MAP4: variants seen among roughly 807,000 people sequenced by gnomAD.
MAP4 encodes microtubule associated protein 4, also known as microtubule-associated protein 4.
Under a neutral mutation model 170.2 loss-of-function variants are expected in MAP4, and 76 were observed. That is an observed-to-expected ratio of 0.45 (90% CI 0.37 to 0.54). MAP4 has a LOEUF of 0.54. Among genes scored for constraint, MAP4 ranks in the 20% least tolerant of loss-of-function variants. MAP4 has a pLI of 0.00. For missense variants in MAP4, 2,506 were observed against 2,748.0 expected, an observed-to-expected ratio of 0.91 and a Z score of 1.97; for synonymous variants, 909 against 994.5, an observed-to-expected ratio of 0.91 and a Z score of 1.62.
chr3:47,973,763 T>C (rs1019483993), intron 3 of MAP4: 2 of 985,294 alleles, frequency 2.0e-6, no homozygotes, highest in Non-Finnish European at 1.2e-6. Flanking sequence ...AAATAACTAC[T>C]ACCAGTTTTG....
Position 48,000,727 on chromosome 3 carries a change from C to A in MAP4, c.-19-1848G>T, listed in dbSNP as rs115598623. 8.4e-3 allele frequency among the ~76,000 whole-genome samples: 1,279 copies of A among 152,280 alleles called. 11 individuals are homozygous for A. The highest frequency in any genetic ancestry group is 0.013 in the Non-Finnish European group (861 of 68,024). On this transcript the variant is annotated intron_variant, in intron 1 of 20. Coordinates refer to ENST00000683076, the MANE Select transcript of MAP4 (RefSeq NM_001385682.1). ...TTTCTGTTGTTTACAATGGAAGAAT[C>A]TCAACTAATACACAGTCTTTCTCCA...
At chr3:47,927,046 C>T (rs2100046401) in intron 4 of MAP4, among the ~76,000 whole-genome samples, 1 of 151,144 alleles carries the variant, frequency 6.6e-6, no homozygotes, top group Admixed American at 6.6e-5. Flanking sequence ...GTAATTCCAG[C>T]TATATGGGAG....
At chr3:48,021,654 A>G (rs2100110630) in intron 1 of MAP4, among the ~76,000 whole-genome samples, 1 of 152,090 alleles carries the variant, frequency 6.6e-6, no homozygotes, top group Non-Finnish European at 1.5e-5. Flanking sequence ...CCTAATCTAT[A>G]GATTTAACAT....
At chr3:48,001,760 C>T (rs1179763179) in intron 1 of MAP4, among the ~76,000 whole-genome samples, 2 of 152,182 alleles carry the variant, frequency 1.3e-5, no homozygotes, top group Non-Finnish European at 2.9e-5. Context: ...CTCGGCCTCC[C>T]AAAGTGCCAG....
intron 10 of MAP4, among the ~76,000 whole-genome samples, chr3:47,895,401 A>T (rs559330479): frequency 6.6e-6 from 1 of 152,376 alleles, no homozygotes; most frequent in South Asian, 2.1e-4. Flanking sequence ...AAGTAATCAC[A>T]GGCCCACTGC....
chr3:48,076,736 G>C (rs2154568077), intron 1 of MAP4, among the ~76,000 whole-genome samples: 2 of 152,152 alleles, frequency 1.3e-5, no homozygotes, highest in South Asian at 2.1e-4. Flanking sequence ...ACAAACAAAA[G>C]AGAAATCTTT....
At chr3:48,058,276 G>A (rs1217884971) in intron 1 of MAP4, among the ~76,000 whole-genome samples, 3 of 152,134 alleles carry the variant, frequency 2.0e-5, no homozygotes, top group Non-Finnish European at 2.9e-5. Flanking sequence ...TTTATTGTAC[G>A]GAGAGAGGGA....
intron 1 of MAP4, among the ~76,000 whole-genome samples, chr3:48,073,569 C>T (rs990467346): frequency 6.6e-6 from 1 of 151,504 alleles, no homozygotes; most frequent in African/African-American, 2.4e-5. Context: ...CGAGATCGCT[C>T]CATTGCACTC....
chr3:48,061,348 A>G (rs1284983478), intron 1 of MAP4, among the ~76,000 whole-genome samples: 2 of 151,846 alleles, frequency 1.3e-5, no homozygotes, highest in Non-Finnish European at 2.9e-5. Context: ...ACGCGCCGCC[A>G]CGCCTGACCG....
At chr3:48,052,410 C>T (rs570832134) in intron 1 of MAP4, among the ~76,000 whole-genome samples, 2 of 152,194 alleles carry the variant, frequency 1.3e-5, no homozygotes, top group East Asian at 3.9e-4. Flanking sequence ...TTAGGAAAGA[C>T]AGGGTTTCGC....
chr3:47,973,070 T>G, intron 3 of MAP4: 1 of 984,242 alleles, frequency 1.0e-6, no homozygotes, highest in Non-Finnish European at 1.2e-6. Context: ...CCCAACCAAA[T>G]CCAGTCCATA....
intron 1 of MAP4, among the ~76,000 whole-genome samples, chr3:48,044,346 G>A (rs1179371999): frequency 6.6e-6 from 1 of 150,478 alleles, no homozygotes; most frequent in South Asian, 2.1e-4. Context: ...TAGTAGAGAC[G>A]GGGTTTCACC....
At chr3:47,861,719 C>T (rs1037380691) in intron 17 of MAP4, among the ~76,000 whole-genome samples, 13 of 151,982 alleles carry the variant, frequency 8.6e-5, no homozygotes, top group African/African-American at 3.1e-4. Flanking sequence ...GTTAGCAGGG[C>T]ATGGTGGTGC....
chr3:47,872,476 C>T (rs1466328960), intron 12 of MAP4, among the ~76,000 whole-genome samples: 1 of 152,216 alleles, frequency 6.6e-6, no homozygotes, highest in Non-Finnish European at 1.5e-5. Context: ...AGCCACTGCA[C>T]CTGGACACAA....
intron 9 of MAP4, among the ~76,000 whole-genome samples, chr3:47,906,610 G>A (rs1225333467): frequency 6.6e-6 from 1 of 151,474 alleles, no homozygotes; most frequent in Non-Finnish European, 1.5e-5. Flanking sequence ...TTGAACCCAG[G>A]AGGCAGAGGT....
chr3:48,012,390 G>C (rs1014848739), intron 1 of MAP4, among the ~76,000 whole-genome samples: 1 of 152,152 alleles, frequency 6.6e-6, no homozygotes, highest in Non-Finnish European at 1.5e-5. Context: ...CAAAAATCCT[G>C]CATCAGTTTC....
intron 1 of MAP4, among the ~76,000 whole-genome samples, chr3:48,074,941 T>C (rs2100143111): frequency 6.6e-6 from 1 of 152,022 alleles, no homozygotes; most frequent in Non-Finnish European, 1.5e-5. Flanking sequence ...TCTAAATTGA[T>C]CTACAGATTT....
chr3:47,909,387 T>C lies in MAP4; in HGVS notation c.5034A>G (p.Lys1678=), dbSNP rs2100034789. 6.2e-7 allele frequency: 1 copy of C among 1,613,844 alleles called. No homozygotes were observed. Among genetic ancestry groups the C allele is most frequent in the African/African-American group, 1.3e-5 (1 of 74,932 alleles). ...DKLKEISLAC[K]ITELESVSLP... is the part of the protein sequence containing the mutation. The stretch of plus-strand genomic sequence containing the variant: ...AGGAAACGCTTTCCAATTCCGTGAT[T>C]TTACAAGCCAGACTAATTTCTTTCA... The change falls in exon 9 of 21, where the codon AAA becomes AAG. Residue 1678 remains lysine, a synonymous_variant. Transcript: ENST00000683076.
At chr3:47,904,773 G>A (rs1170104599) in intron 9 of MAP4, among the ~76,000 whole-genome samples, 1 of 151,750 alleles carries the variant, frequency 6.6e-6, no homozygotes, top group Non-Finnish European at 1.5e-5. Context: ...TCAAGAGAGC[G>A]ATTCTCCTGC....
Sources: allele counts gnomAD v4.1 joint callset (sites outside exome capture counted in the v4.1 genomes callset), GRCh38; gene constraint gnomAD v4.1.1; transcripts MANE v1.5; gene names NCBI Gene and HGNC (gene_info 2026-07-23, HGNC 2026-07-21).